PLCH2: variants seen among roughly 807,000 people sequenced by gnomAD.
The protein encoded by PLCH2 is phospholipase C eta 2.
PLCH2 carries 98 observed loss-of-function variants against 134.7 expected under a neutral mutation model. The ratio of observed to expected loss-of-function variants is 0.73; its 90% confidence interval spans 0.62 to 0.86. The LOEUF (loss-of-function observed/expected upper bound fraction) is 0.86, where lower values mean the gene tolerates loss of function less well. PLCH2 is among the 40% of genes least tolerant of loss of function. The pLI is 0.00. For missense variants in PLCH2, 1,994 were observed against 1,986.6 expected (o/e 1.00, Z -0.07); for synonymous variants, 974 against 827.5 (o/e 1.18, Z -3.04).
chr1:2,484,923 G>A (rs573740368), intron 5 of PLCH2, among the ~76,000 whole-genome samples: 2 of 152,244 alleles, frequency 1.3e-5, no homozygotes, highest in African/African-American at 4.8e-5. Context: ...CCCCTGAATG[G>A]CTTGGTCCTG....
At chr1:2,458,809 C>T (rs1477876449) in intron 2 of PLCH2, among the ~76,000 whole-genome samples, 1 of 152,234 alleles carries the variant, frequency 6.6e-6, no homozygotes, top group African/African-American at 2.4e-5. Flanking sequence ...ACTTCAGCCT[C>T]CTGTACTCCC....
intron 2 of PLCH2, among the ~76,000 whole-genome samples, chr1:2,446,380 C>T (rs1187287108): frequency 6.6e-6 from 1 of 152,204 alleles, no homozygotes; most frequent in African/African-American, 2.4e-5. Context: ...GGAGTTAAGA[C>T]CCTGTAGCCA....
Position 2,489,763 on chromosome 1 carries a change from A to G in PLCH2, c.1411A>G (p.Lys471Glu). ...CATCATGCACCTCCTCCCCCAGGGG[A>G]AGAAGCTCCCAGCCAACATCAGCGA... ...MLKGKILVKG[K>E]KLPANISEDA... The change falls in exon 10 of 22, where the codon AAG becomes GAG. Residue 471 changes from lysine (K) to glutamate (E), a missense_variant. Coordinates refer to ENST00000378486, the MANE Select transcript of PLCH2 (RefSeq NM_014638.4). 1 of 1,612,726 alleles carries G rather than the reference A, an allele frequency of 6.2e-7. No homozygotes were observed. Among genetic ancestry groups the G allele is most frequent in the Non-Finnish European group, 8.5e-7 (1 of 1,179,018 alleles).
intron 2 of PLCH2, among the ~76,000 whole-genome samples, chr1:2,443,476 C>T (rs913542669): frequency 6.6e-6 from 1 of 152,150 alleles, no homozygotes. Flanking sequence ...CCGGTCCCGC[C>T]GGCTGGGGCC....
intron 4 of PLCH2, 93 bp downstream of exon 4, chr1:2,480,405 T>C (rs1641900056): frequency 7.1e-7 from 1 of 1,413,532 alleles, no homozygotes; most frequent in South Asian, 1.3e-5. Context: ...CTGACTGAGC[T>C]GGAGGGGACC....
intron 2 of PLCH2, among the ~76,000 whole-genome samples, chr1:2,450,659 C>A (rs1210248890): frequency 1.2e-4 from 8 of 64,012 alleles, no homozygotes; most frequent in Non-Finnish European, 2.5e-4. Context: ...CCCTGTCTGC[C>A]CCCCTGCTCC....
In PLCH2 at chr1:2,487,719, G is replaced by C; in HGVS notation, c.1235+1G>C. ...ACAAATATGCCTTCATCAAGAATGA[G>C]TGAGTGGCTGGGCCTAGCGGGGCTG... On this transcript the variant is annotated splice_donor_variant, in intron 8 of 21. Transcript: ENST00000378486. LOFTEE classifies it high-confidence loss of function. The C allele has an allele frequency of 6.2e-7, 1 of 1,612,780 alleles. No homozygotes were observed. Among genetic ancestry groups the C allele is most frequent in the Non-Finnish European group, 8.5e-7 (1 of 1,179,624 alleles).
At chr1:2,426,789 C>T (rs1430331376) in intron 1 of PLCH2, among the ~76,000 whole-genome samples, 1 of 152,252 alleles carries the variant, frequency 6.6e-6, no homozygotes, top group Non-Finnish European at 1.5e-5. Flanking sequence ...TCTTTGTCTC[C>T]CTGTGCGGCC....
intron 1 of PLCH2, among the ~76,000 whole-genome samples, chr1:2,470,108 C>T (rs1297004669): frequency 6.6e-6 from 1 of 152,196 alleles, no homozygotes; most frequent in Admixed American, 6.5e-5. Flanking sequence ...GGGAGTAGGT[C>T]CCTTCCACCG....
chr1:2,489,019 G>A (rs1389413872), intron 8 of PLCH2, among the ~76,000 whole-genome samples, 188 bp from the exon 9 acceptor site: 1 of 152,064 alleles, frequency 6.6e-6, no homozygotes, highest in Non-Finnish European at 1.5e-5. Flanking sequence ...CATCCACTCT[G>A]TTGCTTTTCA....
chr1:2,416,905 G>A, the PLCH2 span, among the ~76,000 whole-genome samples: 164 of 152,314 alleles, frequency 1.1e-3, 1 homozygote, highest in Middle Eastern at 0.02. Flanking sequence ...AGAACTGTGG[G>A]TCTGACAGCA....
At chr1:2,484,659 G>C (rs1245195333) in intron 5 of PLCH2, 41 bp downstream of exon 5, 1 of 1,597,936 alleles carries the variant, frequency 6.3e-7, no homozygotes, top group South Asian at 1.1e-5. Context: ...CAGCCATCAG[G>C]CCTCGCCTTC....
intron 1 of PLCH2, among the ~76,000 whole-genome samples, chr1:2,429,667 C>A (rs1283746221): frequency 6.6e-6 from 1 of 152,164 alleles, no homozygotes; most frequent in Non-Finnish European, 1.5e-5. Context: ...ACCAAAGGGG[C>A]CTTGATTCAC....
intron 16 of PLCH2, 122 bp downstream of exon 16, chr1:2,497,731 T>G: frequency 2.4e-5 from 14 of 591,194 alleles, no homozygotes; most frequent in East Asian, 3.3e-5. Flanking sequence ...TTTGGCAGAG[T>G]CCCCTGGAGG....
chr1:2,498,629 G>T lies in PLCH2; in HGVS notation c.2331G>T (p.Met777Ile). Residue 777 changes from methionine (M) to isoleucine (I), a missense_variant, in exon 17 of 22, where the codon ATG becomes ATT. Physicochemically the swap from Met to Ile is conservative, Grantham distance 10. Transcript: ENST00000378486. The surrounding 1 kb of genome is among the most constrained non-coding windows in gnomAD (Gnocchi z 5.4). ...AGCTTCCCAAGCCGCGCGACTCCAT[G>T]CTGGGGGACCGTGGGGAGGTGGGGG... is the stretch of plus-strand genomic sequence containing the variant. The part of the protein sequence containing the change: ...GQQLPKPRDS[M>I]LGDRGEIIDP... 1.9e-6 allele frequency: 3 copies of T among 1,575,068 alleles called. No homozygotes were observed. The highest frequency in any genetic ancestry group is 2.6e-6 in the Non-Finnish European group (3 of 1,161,228).
upstream of PLCH2, among the ~76,000 whole-genome samples, chr1:2,465,777 G>A (rs1235981630): frequency 1.3e-5 from 2 of 152,178 alleles, no homozygotes; most frequent in Admixed American, 6.5e-5. Context: ...GGCGGGGCTG[G>A]CCCTGAGGAT....
chr1:2,478,497 T>G lies in PLCH2; in HGVS notation c.146T>G (p.Met49Arg). Reference protein sequence around the residue: ...GPLVERCMGAMQEGMQMVKLR... With the variant: ...GPLVERCMGARQEGMQMVKLR... ...CCAGTGGAGCGGTGCATGGGTGCCATGCAAGAGGGGATGCAGATGGTGAAG... is the reference window on the plus strand; with the variant it reads ...CCAGTGGAGCGGTGCATGGGTGCCAGGCAAGAGGGGATGCAGATGGTGAAG... Residue 49 changes from methionine (M) to arginine (R), a missense_variant, in exon 2 of 22, where the codon ATG (methionine) becomes AGG (arginine). Met to Arg is a moderately conservative substitution (Grantham distance 91, BLOSUM62 -1). This residue lies in a region of PLCH2 where 1,094 missense variants were observed against 1,234.3 expected (regional missense o/e 0.89). Coordinates refer to ENST00000378486, the MANE Select transcript of PLCH2 (RefSeq NM_014638.4). The G allele has an allele frequency of 6.2e-7, 1 of 1,612,828 alleles. No homozygotes were observed.
intron 2 of PLCH2, among the ~76,000 whole-genome samples, chr1:2,433,809 C>T (rs1639185436): frequency 6.6e-6 from 1 of 152,206 alleles, no homozygotes; most frequent in African/African-American, 2.4e-5. Context: ...CTGGGTTAGG[C>T]AGAGCCCCTG....
chr1:2,447,864 A>C (rs952715819), intron 2 of PLCH2, among the ~76,000 whole-genome samples: 1 of 152,136 alleles, frequency 6.6e-6, no homozygotes, highest in African/African-American at 2.4e-5. Flanking sequence ...CTGAGGATGC[A>C]TGTGCTCTGC....
Sources: gnomAD v4.1 joint callset for allele counts (sites outside exome capture counted in the v4.1 genomes callset) on GRCh38, gnomAD v4.1.1 for gene constraint, gnomAD v4.1.1 regional missense constraint, Gnocchi (gnomAD v3.1) non-coding constraint, MANE v1.5 for transcripts, NCBI Gene and HGNC (gene_info 2026-07-23, HGNC 2026-07-21) for gene names.